The following PCDHGB3 variants were observed in gnomAD, a reference collection of about 807,000 sequenced individuals.
PCDHGB3 encodes the protein protocadherin gamma-B3.
PCDHGB3 carries 40 observed loss-of-function variants against 59.2 expected under a neutral mutation model. The observed-to-expected ratio is 0.68, with a 90% CI of 0.52 to 0.88. The LOEUF (loss-of-function observed/expected upper bound fraction) is 0.88. Among genes scored for constraint, PCDHGB3 ranks in the 40% least tolerant of loss-of-function variants. The pLI, the probability that PCDHGB3 is intolerant of heterozygous loss-of-function variation, is 0.00. For synonymous variants in PCDHGB3, 581 were observed against 503.6 expected (o/e 1.15, Z -2.06); for missense variants, 1,309 against 1,187.9 (o/e 1.10, Z -1.50).
rs1312101699 is a variant in PCDHGB3 at position 141,421,245 on chromosome 5, G to C, written c.2415+48436G>C. ...AGCCTGCCATGGCGAATCGGCTACA[G>C]CGCGGGGACCGCAGTCGGCTGCTGC... On this transcript the variant is annotated intron_variant, in intron 1 of 3. Coordinates refer to ENST00000576222, the MANE Select transcript of PCDHGB3 (RefSeq NM_018924.5). 6.2e-7 allele frequency: 1 copy of C among 1,603,936 alleles called. No homozygotes were observed. The highest frequency in any genetic ancestry group is 8.5e-7 in the Non-Finnish European group (1 of 1,176,330).
rs748651265 is a variant in PCDHGB3, at chr5:141,372,726, C to G, written c.2332C>G (p.Gln778Glu). 2 of 1,613,836 alleles carry G rather than the reference C, an allele frequency of 1.2e-6. No individual in the cohort carries two copies. Among genetic ancestry groups the G allele is most frequent in the South Asian group, 2.2e-5 (2 of 91,056 alleles). The change falls in exon 1 of 4, where the codon CAA (glutamine) becomes GAA (glutamate). Residue 778 changes from glutamine (Q) to glutamate (E), a missense_variant. Gln to Glu is a conservative substitution (Grantham distance 29, BLOSUM62 2). Coordinates refer to ENST00000576222, the MANE Select transcript of PCDHGB3 (RefSeq NM_018924.5). ...LNIKAENAAP[Q>E]DLLCDEASWF... ...TATAAAGGCTGAAAATGCTGCACCA[C>G]AAGATCTTCTATGTGATGAAGCCTC...
In PCDHGB3 at chr5:141,505,598, C is replaced by T. The variant is rs532473064; in HGVS notation, c.2563+117C>T. The T allele has an allele frequency of 1.4e-3, 2,157 of 1,556,732 alleles. 3 individuals are homozygous for T. Among genetic ancestry groups the T allele is most frequent in the Non-Finnish European group, 1.8e-3 (2,025 of 1,148,246 alleles). ...ACCTGTGTAGTTTCTCCAGATCTTT[C>T]GGCAGGTCTGAAAGGACCCACAATT... On this transcript the variant is annotated intron_variant, in intron 3 of 3. Coordinates refer to ENST00000576222, the MANE Select transcript of PCDHGB3 (RefSeq NM_018924.5).
chr5:141,431,901 A>G lies in PCDHGB3; in HGVS notation c.2415+59092A>G, dbSNP rs1373642371. 5.0e-6 allele frequency: 8 copies of G among 1,613,872 alleles called. No homozygotes were observed. The highest frequency in any genetic ancestry group is 1.6e-4 in the Middle Eastern group (1 of 6,062). On this transcript the variant is annotated intron_variant, in intron 1 of 3. Coordinates refer to ENST00000576222, the MANE Select transcript of PCDHGB3 (RefSeq NM_018924.5). This position sits in a 1 kb window ranked among gnomAD's most constrained non-coding sequence, Gnocchi z 4.8. Reference sequence around the variant, plus strand: ...GACCAAGATTCTGAGGAAAACGGACAGGTGATCTGTTTCATCCAAGGAAAT... The same window carrying G: ...GACCAAGATTCTGAGGAAAACGGACGGGTGATCTGTTTCATCCAAGGAAAT...
chr5:141,394,501 T>C (rs768158418), intron 1 of PCDHGB3: 1 of 1,614,216 alleles, frequency 6.2e-7, no homozygotes, highest in Admixed American at 1.7e-5. Context: ...CCCGAGATCC[T>C]GTACCCCGCC....
chr5:141,394,679 C>T (rs532730881), intron 1 of PCDHGB3: 1 of 1,612,552 alleles, frequency 6.2e-7, no homozygotes, highest in African/African-American at 1.3e-5. Context: ...TGGGTCTGCA[C>T]ACGGGCGAGG....
chr5:141,441,672 GCCTTCGA>G (rs1327551430), intron 1 of PCDHGB3: 1 of 290,468 alleles, frequency 3.4e-6, no homozygotes, highest in Non-Finnish European at 6.8e-6. Flanking sequence ...CGCACAGTGC[GCCTTCGA>G]CCAAGAGCAG....
chr5:141,389,622 G>C, intron 1 of PCDHGB3: 1 of 1,612,970 alleles, frequency 6.2e-7, no homozygotes, highest in South Asian at 1.1e-5. Context: ...GCCGCACGCT[G>C]CAGAGCCTGG....
chr5:141,408,311 A>C (rs1467917610), intron 1 of PCDHGB3: 1 of 1,613,650 alleles, frequency 6.2e-7, no homozygotes, highest in African/African-American at 1.3e-5. Context: ...CCGCTACTCG[A>C]TTCCGGAGGA....
intron 1 of PCDHGB3, chr5:141,384,810 C>G: frequency 6.2e-7 from 1 of 1,613,420 alleles, no homozygotes; most frequent in Non-Finnish European, 8.5e-7. Flanking sequence ...ACAGAGATGC[C>G]CTCAAGCAGA....
At chr5:141,375,054 G>A (rs749207935) in intron 1 of PCDHGB3, 3 of 1,614,004 alleles carry the variant, frequency 1.9e-6, no homozygotes, top group Non-Finnish European at 2.5e-6. Flanking sequence ...GCCCGGGATG[G>A]GCCAGGTCTT....
At position 141,431,580 on chromosome 5, in the gene PCDHGB3, A is replaced by G. The variant is rs777990962; in HGVS notation, c.2415+58771A>G. ...GCTACCGACCCTGACGAAGGAGTCA[A>G]TGCGGAAGTGAGGTATTCCTTCCGG... On this transcript the variant is annotated intron_variant, in intron 1 of 3. Coordinates refer to ENST00000576222, the MANE Select transcript of PCDHGB3 (RefSeq NM_018924.5). The surrounding 1 kb of genome is among the most constrained non-coding windows in gnomAD (Gnocchi z 4.8). 1.2e-5 allele frequency: 19 copies of G among 1,614,098 alleles called. No homozygotes were observed. Among genetic ancestry groups the G allele is most frequent in the Non-Finnish European group, 1.5e-5 (18 of 1,180,040 alleles).
intron 1 of PCDHGB3, chr5:141,421,725 C>T: frequency 6.2e-7 from 1 of 1,613,960 alleles, no homozygotes; most frequent in Non-Finnish European, 8.5e-7. Context: ...TGGGCGTGAA[C>T]TCCCTCCAGA....
At chr5:141,423,852 G>T (rs796757517) in intron 1 of PCDHGB3, 36 of 1,279,400 alleles carry the variant, frequency 2.8e-5, no homozygotes, top group Non-Finnish European at 3.5e-5. Context: ...CTTTCAGAAC[G>T]TTTTTGTGAA....
chr5:141,485,314 T>G lies in PCDHGB3; in HGVS notation c.2416-9493T>G. Reference sequence around the variant, plus strand: ...CACAGGAAGGGACTTTTGTAGGGAATGTCGCTCAAGATTTCCTGCTGGATA... The same window carrying G: ...CACAGGAAGGGACTTTTGTAGGGAAGGTCGCTCAAGATTTCCTGCTGGATA... On this transcript the variant is annotated intron_variant, in intron 1 of 3. Coordinates refer to ENST00000576222, the MANE Select transcript of PCDHGB3 (RefSeq NM_018924.5). This position sits in a 1 kb window ranked among gnomAD's most constrained non-coding sequence, Gnocchi z 5.7. 1 of 1,614,150 alleles carries G rather than the reference T, an allele frequency of 6.2e-7. No individual in the cohort carries two copies. The highest frequency in any genetic ancestry group is 8.5e-7 in the Non-Finnish European group (1 of 1,180,032).
rs779735897 is a variant in PCDHGB3 at position 141,422,336 on chromosome 5, TA to T, written c.2415+49530del. 34 of 1,550,032 alleles carry T rather than the reference TA, an allele frequency of 2.2e-5. No individual in the cohort carries two copies. The East Asian group carries it at 7.2e-4, about 33-fold the overall frequency. On this transcript the variant is annotated intron_variant, in intron 1 of 3. Coordinates refer to ENST00000576222, the MANE Select transcript of PCDHGB3 (RefSeq NM_018924.5). ...CCTCCAGGTACAGTGATTGCTCTTC[TA>T]AATGTGCAAGATCAAGATTCTGGAG... is the stretch of plus-strand genomic sequence containing the variant.
rs1180919465 is a variant in PCDHGB3 at position 141,410,681 on chromosome 5, G to A, written c.2415+37872G>A. On this transcript the variant is annotated intron_variant, in intron 1 of 3. Coordinates refer to ENST00000576222, the MANE Select transcript of PCDHGB3 (RefSeq NM_018924.5). ...AGTCTACTAGTTTCTCATATTTTAG[G>A]CATACTACTTTATTTTCATATCTAG... The A allele has an allele frequency of 3.9e-6, 6 of 1,535,084 alleles. No homozygotes were observed. The East Asian group carries it at 1.4e-4, about 35-fold the overall frequency.
chr5:141,388,630 T>C (rs754073337), intron 1 of PCDHGB3: 1 of 1,613,816 alleles, frequency 6.2e-7, no homozygotes, highest in Non-Finnish European at 8.5e-7. Flanking sequence ...GTATACAGGG[T>C]GAGCCTTTCA....
chr5:141,429,729 A>G (rs1362403236), intron 1 of PCDHGB3, among the ~76,000 whole-genome samples: 1 of 152,240 alleles, frequency 6.6e-6, no homozygotes, highest in African/African-American at 2.4e-5. Flanking sequence ...GAAAGTACGT[A>G]GCCAGTTATT....
chr5:141,407,200 G>A (rs1054595818), intron 1 of PCDHGB3, among the ~76,000 whole-genome samples: 2 of 152,228 alleles, frequency 1.3e-5, no homozygotes, highest in East Asian at 1.9e-4. Context: ...TTTCAAACAC[G>A]TTTTCCCCCT....
Sources: allele counts gnomAD v4.1 joint callset (sites outside exome capture counted in the v4.1 genomes callset), GRCh38; gene constraint gnomAD v4.1.1; non-coding constraint Gnocchi (gnomAD v3.1); transcripts MANE v1.5; gene names NCBI Gene and HGNC (gene_info 2026-07-23, HGNC 2026-07-21).